Variants in DMXL2 observed in about 807,000 individuals in gnomAD.
DMXL2 encodes the protein Dmx like 2.
A neutral mutation model predicts 331.1 loss-of-function variants in DMXL2; 103 were observed. The ratio of observed to expected loss-of-function variants is 0.31; its 90% CI spans 0.27 to 0.37. The LOEUF (loss-of-function observed/expected upper bound fraction) is 0.37, where lower values mean the gene tolerates loss of function less well. DMXL2 is among the 10% of genes least tolerant of loss of function. DMXL2 has a pLI of 1.00. For synonymous variants in DMXL2, 1,281 were observed against 1,252.1 expected, an observed-to-expected ratio of 1.02 and a Z score of -0.49; for missense variants, 3,171 against 3,642.9, an observed-to-expected ratio of 0.87 and a Z score of 3.33.
At chr15:51,464,960 GATA>G (rs2040445006) in intron 31 of DMXL2, 84 bp from the exon 32 acceptor site, 1 of 1,180,682 alleles carries the variant, frequency 8.5e-7, no homozygotes, top group Non-Finnish European at 1.2e-6. Context: ...AATTCTCAGA[GATA>G]ATACTTCTGA....
chr15:51,581,196 A>AT (rs1323359651), intron 1 of DMXL2, among the ~76,000 whole-genome samples: 1 of 152,162 alleles, frequency 6.6e-6, no homozygotes, highest in Admixed American at 6.6e-5. Flanking sequence ...GTGGCATTAG[A>AT]TTCTCATAGG....
At chr15:51,538,025 T>C (rs775088646) in intron 10 of DMXL2, among the ~76,000 whole-genome samples, 188 bp downstream of exon 10, 4 of 152,148 alleles carry the variant, frequency 2.6e-5, no homozygotes, top group African/African-American at 9.7e-5. Context: ...AAAGAACATA[T>C]AGAGTTAGAT....
chr15:51,471,377 A>T lies in DMXL2; in HGVS notation c.7238T>A (p.Ile2413Lys). The T allele has an allele frequency of 1.2e-6, 2 of 1,612,524 alleles. No homozygotes were observed. The highest frequency in any genetic ancestry group is 2.2e-5 in the South Asian group (2 of 90,802). Residue 2413 changes from isoleucine (I) to lysine (K), a missense_variant, in exon 29 of 44, where the codon ATA becomes AAA. Physicochemically the swap from Ile to Lys is moderately radical, Grantham distance 102. Transcript: ENST00000560891. Reference sequence around the variant, plus strand: ...GTTAAATCTCCTACGGTGTTTATCTATGTCTTCAGAAAGGACAGGAGGTGC... The same window carrying T: ...GTTAAATCTCCTACGGTGTTTATCTTTGTCTTCAGAAAGGACAGGAGGTGC... ...ISAPPVLSEDIDKHRRRFNMR... is the reference protein window; with the variant it reads ...ISAPPVLSEDKDKHRRRFNMR...
chr15:51,463,407 A>G lies in DMXL2; in HGVS notation c.7898T>C (p.Ile2633Thr). Residue 2633 changes from isoleucine to threonine, a missense_variant, in exon 33 of 44, where the codon ATT becomes ACT. Transcript: ENST00000560891. Reference protein sequence around the residue: ...EVLQETFIRYIFTKKRKQSES... With the variant: ...EVLQETFIRYTFTKKRKQSES... ...ACTCTGCTTTCTTTTCTTAGTGAAA[A>G]TATATCTAATAAATGTCTCTTGAAG... 2 of 1,581,836 alleles carry G rather than the reference A, an allele frequency of 1.3e-6. No homozygotes were observed. Among genetic ancestry groups the G allele is most frequent in the Non-Finnish European group, 1.7e-6 (2 of 1,161,836 alleles).
At chr15:51,604,041 A>G (rs974564806) in intron 1 of DMXL2, among the ~76,000 whole-genome samples, 18 of 152,156 alleles carry the variant, frequency 1.2e-4, no homozygotes, top group African/African-American at 4.3e-4. Flanking sequence ...AGCCACAAAT[A>G]AAAACAATAA....
At chr15:51,457,116 G>A (rs1040464544) in intron 37 of DMXL2, among the ~76,000 whole-genome samples, 4 of 152,230 alleles carry the variant, frequency 2.6e-5, no homozygotes, top group Non-Finnish European at 1.5e-5. Context: ...AGGCTGCAGT[G>A]AGCCGAAATT....
chr15:51,498,361 T>C (rs1252388467), intron 18 of DMXL2, among the ~76,000 whole-genome samples, 191 bp downstream of exon 18: 1 of 152,210 alleles, frequency 6.6e-6, no homozygotes, highest in Non-Finnish European at 1.5e-5. Flanking sequence ...CACAAATCCA[T>C]GCATTCATAT....
rs539790374 is a variant in DMXL2 at position 51,615,609 on chromosome 15, A to C, written c.87+6850T>G. The stretch of plus-strand genomic sequence containing the variant: ...TCTCCTGGTGGACAAAATCACACCC[A>C]ATTTAGAACCTAAATGGAGGAAGTG... On this transcript the variant is annotated intron_variant, in intron 1 of 43. Coordinates refer to ENST00000560891, the MANE Select transcript of DMXL2 (RefSeq NM_001378457.1). Among the ~76,000 whole-genome samples, 149 of 152,322 alleles carry C rather than the reference A, an allele frequency of 9.8e-4. 2 individuals carry two copies. The highest frequency in any genetic ancestry group is 3.4e-3 in the African/African-American group (143 of 41,578).
intron 17 of DMXL2, among the ~76,000 whole-genome samples, chr15:51,501,362 G>T (rs897989620): frequency 1.3e-5 from 2 of 152,148 alleles, no homozygotes; most frequent in Non-Finnish European, 2.9e-5. Flanking sequence ...ACAGCTGCCA[G>T]ACTTGCCCTC....
At chr15:51,516,416 T>C (rs2047038770) in intron 14 of DMXL2, among the ~76,000 whole-genome samples, 1 of 152,196 alleles carries the variant, frequency 6.6e-6, no homozygotes, top group Non-Finnish European at 1.5e-5. Context: ...CTCACAAAAG[T>C]ACCCAACATG....
intron 1 of DMXL2, among the ~76,000 whole-genome samples, chr15:51,621,746 TAAAA>T (rs145394721): frequency 6.6e-6 from 1 of 151,726 alleles, no homozygotes; most frequent in Non-Finnish European, 1.5e-5. Context: ...CTTACTATAT[TAAAA>T]AAAAGGCTAC....
intron 41 of DMXL2, among the ~76,000 whole-genome samples, chr15:51,452,261 C>G (rs942828816): frequency 6.6e-5 from 10 of 152,066 alleles, no homozygotes; most frequent in Non-Finnish European, 1.3e-4. Context: ...AACCCAAAGG[C>G]AAATGCAACA....
chr15:51,486,906 T>C (rs2042434941), intron 22 of DMXL2, among the ~76,000 whole-genome samples: 1 of 152,124 alleles, frequency 6.6e-6, no homozygotes. Context: ...TTTAAAATCT[T>C]AAGTATTTGT....
rs1269749142 is a variant in DMXL2, at chr15:51,486,083, A to C, written c.5472T>G (p.Asp1824Glu). Reference sequence around the variant, plus strand: ...CACAAAACGTCCTACCTTGATGTTCATCATCCTCCTTTGGTGTTTGTTCCA... The same window carrying C: ...CACAAAACGTCCTACCTTGATGTTCCTCATCCTCCTTTGGTGTTTGTTCCA... ...TLLEQTPKED[D>E]EHQVIIKSCN... The change falls in exon 23 of 44, where the codon GAT (aspartate) becomes GAG (glutamate). Residue 1824 changes from aspartate to glutamate, a missense_variant. Transcript: ENST00000560891. The C allele has an allele frequency of 6.3e-7, 1 of 1,597,152 alleles. No individual in the cohort carries two copies. The highest frequency in any genetic ancestry group is 8.6e-7 in the Non-Finnish European group (1 of 1,168,950).
chr15:51,591,508 G>A (rs1368480406), intron 1 of DMXL2, among the ~76,000 whole-genome samples: 1 of 152,182 alleles, frequency 6.6e-6, no homozygotes, highest in Non-Finnish European at 1.5e-5. Flanking sequence ...TGTGGGGGCA[G>A]GGCACAGCTA....
intron 12 of DMXL2, 44 bp downstream of exon 12, chr15:51,536,116 ATAATAG>A: frequency 1.4e-6 from 2 of 1,423,834 alleles, no homozygotes; most frequent in South Asian, 2.9e-5. Context: ...TATATAACAA[ATAATAG>A]TTTAAAAGCT....
At chr15:51,590,036 G>A (rs977317636) in intron 1 of DMXL2, among the ~76,000 whole-genome samples, 3 of 152,174 alleles carry the variant, frequency 2.0e-5, no homozygotes, top group African/African-American at 7.2e-5. Flanking sequence ...CTAGAGAAAA[G>A]TGCCCCATCT....
chr15:51,579,172 C>A (rs183050223), intron 1 of DMXL2, among the ~76,000 whole-genome samples: 128 of 152,290 alleles, frequency 8.4e-4, no homozygotes, highest in Admixed American at 1.3e-3. Context: ...CCCTACCAAA[C>A]TAGTAATTCC....
At chr15:51,622,211 T>C (rs1336990044) in intron 1 of DMXL2, among the ~76,000 whole-genome samples, 1 of 152,204 alleles carries the variant, frequency 6.6e-6, no homozygotes, top group African/African-American at 2.4e-5. Flanking sequence ...TCAGGCCCGT[T>C]TGCTTGGGGT....
Sources: allele counts gnomAD v4.1 joint callset (sites outside exome capture counted in the v4.1 genomes callset), GRCh38; gene constraint gnomAD v4.1.1; transcripts MANE v1.5; gene names NCBI Gene and HGNC (gene_info 2026-07-23, HGNC 2026-07-21).